The following NKAIN3 variants were observed in gnomAD, a reference collection of about 807,000 sequenced individuals.
NKAIN3 encodes the protein sodium/potassium-transporting ATPase subunit beta-1-interacting protein 3.
NKAIN3 carries 25 observed loss-of-function variants against 30.2 expected under a neutral mutation model. The ratio of observed to expected loss-of-function variants is 0.83; its 90% confidence interval spans 0.60 to 1.16. The LOEUF is 1.16. Ranked by LOEUF, NKAIN3 falls within the 50% of genes most tolerant of loss-of-function variation. The pLI is 0.00. For synonymous variants in NKAIN3, 91 were observed against 89.6 expected, an observed-to-expected ratio of 1.02 and a Z score of -0.09; for missense variants, 225 against 254.1, an observed-to-expected ratio of 0.89 and a Z score of 0.78.
chr8:62,788,585 T>G (rs1391699619), intron 4 of NKAIN3, among the ~76,000 whole-genome samples: 1 of 152,196 alleles, frequency 6.6e-6, no homozygotes, highest in Admixed American at 6.6e-5. Flanking sequence ...TTGCTTTTGG[T>G]GTTTTAGACA....
At chr8:62,457,224 A>G (rs1805850652) in intron 1 of NKAIN3, among the ~76,000 whole-genome samples, 1 of 152,252 alleles carries the variant, frequency 6.6e-6, no homozygotes, top group African/African-American at 2.4e-5. Context: ...AATATTTGAA[A>G]GGACCATGAA....
chr8:62,836,702 G>T (rs1056193365), intron 4 of NKAIN3, among the ~76,000 whole-genome samples: 1 of 152,022 alleles, frequency 6.6e-6, no homozygotes, highest in African/African-American at 2.4e-5. Context: ...TGAGTGGAGG[G>T]CTTCTCACTG....
At chr8:62,499,405 T>A (rs1393388954) in intron 1 of NKAIN3, among the ~76,000 whole-genome samples, 3 of 152,104 alleles carry the variant, frequency 2.0e-5, no homozygotes, top group African/African-American at 7.3e-5. Flanking sequence ...TATTTTCTGT[T>A]CTTTTTGATG....
intron 1 of NKAIN3, among the ~76,000 whole-genome samples, chr8:62,318,124 A>G (rs182492614): frequency 1.9e-4 from 29 of 152,202 alleles, no homozygotes; most frequent in African/African-American, 6.7e-4. Context: ...TTGCACATTG[A>G]TTTTGTATCC....
intron 1 of NKAIN3, among the ~76,000 whole-genome samples, chr8:62,336,644 G>A (rs892047090): frequency 1.3e-5 from 2 of 151,862 alleles, no homozygotes; most frequent in African/African-American, 4.8e-5. Flanking sequence ...AATGGATTTT[G>A]TCCCGGTTTT....
At position 62,738,455 on chromosome 8, in the gene NKAIN3, C is replaced by T. The variant is rs754844955; in HGVS notation, c.274-8477C>T. Among the ~76,000 whole-genome samples, 3 of 151,906 alleles carry T rather than the reference C, an allele frequency of 2.0e-5. No homozygotes were observed. The East Asian group carries it at 5.8e-4, about 30-fold the overall frequency. Reference sequence around the variant, plus strand: ...TCTCTACTAAAATACAAAAATTAGCCGGGCATGGTGGCATGTGCCTGTAAT... The same window carrying T: ...TCTCTACTAAAATACAAAAATTAGCTGGGCATGGTGGCATGTGCCTGTAAT... On this transcript the variant is annotated intron_variant, in intron 3 of 6. Transcript: ENST00000623646.
intron 1 of NKAIN3, among the ~76,000 whole-genome samples, chr8:62,574,221 C>G (rs1810036950): frequency 6.6e-6 from 1 of 152,080 alleles, no homozygotes; most frequent in Admixed American, 6.6e-5. Flanking sequence ...ATGACAGGAT[C>G]TTATTCTTTT....
At chr8:62,487,621 A>AT (rs1218864145) in intron 1 of NKAIN3, among the ~76,000 whole-genome samples, 50 of 152,150 alleles carry the variant, frequency 3.3e-4, no homozygotes, top group Admixed American at 8.5e-4. Flanking sequence ...TTAAAATTGT[A>AT]TTTTTTTCAA....
At chr8:62,458,593 C>G (rs151211727) in intron 1 of NKAIN3, among the ~76,000 whole-genome samples, 29 of 152,326 alleles carry the variant, frequency 1.9e-4, no homozygotes, top group African/African-American at 6.3e-4. Context: ...GAGGCAGACA[C>G]TTTTCTAAAA....
intron 1 of NKAIN3, among the ~76,000 whole-genome samples, chr8:62,550,678 G>A (rs897177018): frequency 3.3e-5 from 5 of 152,144 alleles, no homozygotes; most frequent in African/African-American, 1.2e-4. Flanking sequence ...CAAATAAAAA[G>A]CCTTGAGTGT....
chr8:62,736,973 G>C (rs535370332), intron 3 of NKAIN3, among the ~76,000 whole-genome samples: 1 of 152,210 alleles, frequency 6.6e-6, no homozygotes, highest in East Asian at 1.9e-4. Flanking sequence ...TGGACCTTCA[G>C]GTTCCCCAGT....
At chr8:62,423,927 A>G (rs921774520) in intron 1 of NKAIN3, among the ~76,000 whole-genome samples, 3 of 151,976 alleles carry the variant, frequency 2.0e-5, no homozygotes, top group Admixed American at 6.6e-5. Context: ...TTAGCTGAAC[A>G]CTGGCTTTGT....
chr8:62,669,331 T>C (rs909925730), intron 3 of NKAIN3, among the ~76,000 whole-genome samples: 14 of 152,266 alleles, frequency 9.2e-5, no homozygotes, highest in Admixed American at 9.2e-4. Context: ...TTCACAGGCA[T>C]TAACTCCTAA....
At chr8:62,743,677 G>A (rs1202875018) in intron 3 of NKAIN3, among the ~76,000 whole-genome samples, 1 of 152,170 alleles carries the variant, frequency 6.6e-6, no homozygotes, top group Non-Finnish European at 1.5e-5. Context: ...GAGTCCAGGA[G>A]TTCAAGGATG....
At chr8:62,414,748 A>C (rs188314078) in intron 1 of NKAIN3, among the ~76,000 whole-genome samples, 1 of 152,152 alleles carries the variant, frequency 6.6e-6, no homozygotes. Context: ...ACTATGATAC[A>C]TGAAATGTTA....
chr8:62,385,168 C>T (rs1450171515), intron 1 of NKAIN3, among the ~76,000 whole-genome samples: 1 of 152,106 alleles, frequency 6.6e-6, no homozygotes, highest in African/African-American at 2.4e-5. Context: ...AAGAGTGCCT[C>T]CCTAATGGAG....
chr8:62,903,878 G>A (rs1003620808), intron 4 of NKAIN3, among the ~76,000 whole-genome samples: 3 of 151,994 alleles, frequency 2.0e-5, no homozygotes, highest in Non-Finnish European at 2.9e-5. Flanking sequence ...AAGATCTCAC[G>A]GGAACTCACT....
In NKAIN3 at chr8:62,972,333, G is replaced by A. The variant is rs536429380; in HGVS notation, c.*6926G>A. On this transcript the variant is annotated 3_prime_UTR_variant, in exon 7 of 7. Coordinates refer to ENST00000623646, the MANE Select transcript of NKAIN3 (RefSeq NM_001304533.3). ...TTGTCCAAAAAAATATACAAGTGAG[G>A]GAATTAATAAAATTTTTTGTAATTA... is the stretch of plus-strand genomic sequence containing the variant. Among the ~76,000 whole-genome samples the A allele has an allele frequency of 6.6e-6, 1 of 152,054 alleles. No individual in the cohort carries two copies. Among genetic ancestry groups the A allele is most frequent in the Non-Finnish European group, 1.5e-5 (1 of 67,992 alleles).
chr8:62,674,229 T>G (rs1813402542), intron 3 of NKAIN3, among the ~76,000 whole-genome samples: 1 of 152,190 alleles, frequency 6.6e-6, no homozygotes, highest in African/African-American at 2.4e-5. Flanking sequence ...TAAGTCGGAC[T>G]CTTGTGGCCT....
Sources: allele counts gnomAD v4.1 joint callset (sites outside exome capture counted in the v4.1 genomes callset), GRCh38; gene constraint gnomAD v4.1.1; transcripts MANE v1.5; gene names NCBI Gene and HGNC (gene_info 2026-07-23, HGNC 2026-07-21).